Variants in APOC1 observed in about 807,000 individuals in gnomAD.
APOC1 encodes apolipoprotein C1.
APOC1 carries 4 observed loss-of-function variants against 6.7 expected under a neutral mutation model. That is an observed-to-expected ratio of 0.60 (90% confidence interval 0.29 to 1.37). APOC1 has a LOEUF of 1.37. Among genes scored for constraint, APOC1 ranks in the 40% most tolerant of loss-of-function variants. The pLI is 0.09. For missense variants in APOC1, 122 were observed against 99.4 expected, an observed-to-expected ratio of 1.23 and a Z score of -0.97; for synonymous variants, 33 against 40.6, an observed-to-expected ratio of 0.81 and a Z score of 0.72.
rs1488598417 is a variant in APOC1, at chr19:44,914,658, C to T, written c.-96C>T. ...GAGGGAGATCAACATCAACCTGCCC[C>T]GCCCCCTCCCCAGCCTGATAAAGGT... On this transcript the variant is annotated 5_prime_UTR_variant, in exon 1 of 4. Coordinates refer to ENST00000592535, the MANE Select transcript of APOC1 (RefSeq NM_001645.5). 5.4e-6 allele frequency: 3 copies of T among 554,974 alleles called. No individual in the cohort carries two copies. The East Asian group carries it at 9.1e-5, about 17-fold the overall frequency. The allele number at this position is 554,974 out of a possible 1,614,324, so 34.4% of individuals were successfully genotyped here.
chr19:44,919,172 G>A lies in APOC1; in HGVS notation c.195-1G>A. On this transcript the variant is annotated splice_acceptor_variant, in intron 3 of 3. Coordinates refer to ENST00000592535, the MANE Select transcript of APOC1 (RefSeq NM_001645.5). LOFTEE classifies it high-confidence loss of function. ...ACCCCCTTCCTTATTCCTCCCCACAGGGAGTGGTTTTCAGAGACATTTCAG... is the reference window on the plus strand; with the variant it reads ...ACCCCCTTCCTTATTCCTCCCCACAAGGAGTGGTTTTCAGAGACATTTCAG... 3 of 1,613,688 alleles carry A rather than the reference G, an allele frequency of 1.9e-6. No homozygotes were observed. The highest frequency in any genetic ancestry group is 2.5e-6 in the Non-Finnish European group (3 of 1,179,684).
chr19:44,918,727 T>G (rs950396834), intron 3 of APOC1: 1 of 161,600 alleles, frequency 6.2e-6, no homozygotes. Context: ...TGGTGCGATC[T>G]CGGCTTACTG....
chr19:44,919,189 A>T lies in APOC1; in HGVS notation c.211A>T (p.Thr71Ser), dbSNP rs142372275. The T allele has an allele frequency of 4.5e-4, 725 of 1,613,896 alleles. 10 individuals carry two copies. The Admixed American group carries it at 0.01, about 23-fold the overall frequency. ...SAKMREWFSE[T>S]FQKVKEKLKI... is the part of the protein sequence containing the mutation. ...TCCCCACAGGGAGTGGTTTTCAGAG[A>T]CATTTCAGAAAGTGAAGGAGAAACT... Residue 71 changes from threonine (T) to serine (S), a missense_variant, in exon 4 of 4, where the codon ACA becomes TCA. Physicochemically the swap from Thr to Ser is moderately conservative, Grantham distance 58 (BLOSUM62 1). Coordinates refer to ENST00000592535, the MANE Select transcript of APOC1 (RefSeq NM_001645.5).
intron 2 of APOC1, chr19:44,915,199 T>A (rs986845598): frequency 1.8e-6 from 1 of 558,878 alleles, no homozygotes; most frequent in Non-Finnish European, 3.2e-6. Flanking sequence ...CTGTCCTGCT[T>A]CGACAGCCTT....
Position 44,916,279 on chromosome 19 carries a change from G to A in APOC1, c.148G>A (p.Glu50Lys), listed in dbSNP as rs752512437. ...FGNTLEDKAR[E>K]LISRIKQSEL... ...AAACACACTGGAGGACAAGGCTCGG[G>A]AACTCATCAGCCGCATCAAACAGAG... The change falls in exon 3 of 4, where the codon GAA becomes AAA. Residue 50 changes from glutamate (E) to lysine (K), a missense_variant. Transcript: ENST00000592535. 4 of 1,614,034 alleles carry A rather than the reference G, an allele frequency of 2.5e-6. No homozygotes were observed. The highest frequency in any genetic ancestry group is 2.2e-5 in the East Asian group (1 of 44,882).
At chr19:44,915,166 G>C (rs1278753354) in intron 2 of APOC1, 2 of 593,972 alleles carry the variant, frequency 3.4e-6, no homozygotes, top group Non-Finnish European at 6.0e-6. Context: ...ATGACGTATT[G>C]AGGCCCACAC....
In APOC1 at chr19:44,919,274, C is replaced by A. The variant is rs757759532; in HGVS notation, c.*44C>A. On this transcript the variant is annotated 3_prime_UTR_variant, in exon 4 of 4. Coordinates refer to ENST00000592535, the MANE Select transcript of APOC1 (RefSeq NM_001645.5). The stretch of plus-strand genomic sequence containing the variant: ...CCCAGGAGGGGCCTCTGAAATTTCC[C>A]ACACCCCAGCGCCTGTGCTGAGGAC... 27 of 1,567,830 alleles carry A rather than the reference C, an allele frequency of 1.7e-5. No individual in the cohort carries two copies. Among genetic ancestry groups the A allele is most frequent in the South Asian group, 3.3e-5 (3 of 90,164 alleles).
chr19:44,915,486 A>G (rs925404639), intron 2 of APOC1, among the ~76,000 whole-genome samples: 5 of 150,046 alleles, frequency 3.3e-5, no homozygotes, highest in Non-Finnish European at 4.4e-5. Context: ...AATTTTTTGT[A>G]TTTTCAGTAG....
chr19:44,916,177 A>ATCTT lies in APOC1; in HGVS notation c.59-12_59-9dup. The stretch of plus-strand genomic sequence containing the variant: ...AAAAACAAATTTTGAACCCCTGCCC[A>ATCTT]TCTTCCTGGCAGGCCCAGCCCCAGC... On this transcript the variant is annotated splice_polypyrimidine_tract_variant and intron_variant, in intron 2 of 3. Transcript: ENST00000592535. The ATCTT allele has an allele frequency of 7.4e-7, 1 of 1,347,072 alleles. No homozygotes were observed. The highest frequency in any genetic ancestry group is 1.7e-5 in the African/African-American group (1 of 57,860). The allele number at this position is 1,347,072 out of a possible 1,614,324, so 83.4% of individuals were successfully genotyped here.
At chr19:44,918,518 C>T (rs1483233054) in intron 3 of APOC1, among the ~76,000 whole-genome samples, 2 of 150,998 alleles carry the variant, frequency 1.3e-5, no homozygotes, top group East Asian at 2.0e-4. Context: ...CCTGCCACCA[C>T]GCCAGCTAAT....
intron 3 of APOC1, among the ~76,000 whole-genome samples, chr19:44,916,785 G>A (rs1262860486): frequency 6.9e-6 from 1 of 145,962 alleles, no homozygotes; most frequent in East Asian, 2.0e-4. Flanking sequence ...GTGCCAGCCT[G>A]GGTGACAGAA....
intron 3 of APOC1, among the ~76,000 whole-genome samples, chr19:44,916,889 G>A (rs904448633): frequency 6.6e-6 from 1 of 151,098 alleles, no homozygotes; most frequent in Non-Finnish European, 1.5e-5. Context: ...CAGCACTATG[G>A]GAGGCTGAGA....
Position 44,916,348 on chromosome 19 carries a change from G to A in APOC1, c.194+23G>A, listed in dbSNP as rs375519463. 8.9e-5 allele frequency: 144 copies of A among 1,611,810 alleles called. 1 individual carries two copies. Among genetic ancestry groups the A allele is most frequent in the South Asian group, 8.0e-4 (73 of 90,816 alleles). On this transcript the variant is annotated intron_variant, in intron 3 of 3. Transcript: ENST00000592535. ...GCGGTTAGAACCCTTCCCAGGGCAC[G>A]GGAGAGCTGGGGTGTGTTTTTGGGT...
Position 44,914,665 on chromosome 19 carries a change from TC to T in APOC1, c.-85del. On this transcript the variant is annotated 5_prime_UTR_variant, in exon 1 of 4. Transcript: ENST00000592535. The stretch of plus-strand genomic sequence containing the variant: ...ATCAACATCAACCTGCCCCGCCCCC[TC>T]CCCAGCCTGATAAAGGTCCTGCGGG... 1 of 556,766 alleles carries T rather than the reference TC, an allele frequency of 1.8e-6. No homozygotes were observed. The highest frequency in any genetic ancestry group is 3.0e-5 in the East Asian group (1 of 33,164). 34.5% of individuals were successfully genotyped at this position (556,766 alleles called of 1,614,324 possible). A position where few individuals can be genotyped will look rare whatever the true frequency, so the allele number is the denominator to read the frequency against.
Position 44,916,137 on chromosome 19 carries a change from CAAAAAAAAA to C in APOC1, c.59-42_59-34del, listed in dbSNP as rs376127005. 3 of 900,500 alleles carry C rather than the reference CAAAAAAAAA, an allele frequency of 3.3e-6. No homozygotes were observed. In the East Asian group the frequency reaches 1.2e-4, roughly 35 times the overall value. 55.8% of individuals were successfully genotyped at this position (900,500 alleles called of 1,614,324 possible). ...GGGCTACAGAGCAAGACTCCATCTC[CAAAAAAAAA>C]AAAAAAAAAACAAATTTTGAACCCC... On this transcript the variant is annotated intron_variant, in intron 2 of 3. Transcript: ENST00000592535.
At chr19:44,917,618 A>G (rs1460788032) in intron 3 of APOC1, among the ~76,000 whole-genome samples, 1 of 140,840 alleles carries the variant, frequency 7.1e-6, no homozygotes, top group Non-Finnish European at 1.5e-5. Context: ...GAGAAAAGAA[A>G]GACAGGGAGG....
At chr19:44,914,815 G>T in intron 1 of APOC1, 57 bp from the exon 2 acceptor site, 1 of 1,421,856 alleles carries the variant, frequency 7.0e-7, no homozygotes. Context: ...TCGTGGGAGG[G>T]AGGTAGGGAG....
At chr19:44,915,204 A>T in intron 2 of APOC1, 1 of 548,792 alleles carries the variant, frequency 1.8e-6, no homozygotes, top group Non-Finnish European at 3.3e-6. Flanking sequence ...CTGCTTCGAC[A>T]GCCTTGAAAG....
intron 3 of APOC1, chr19:44,916,536 G>A (rs1970012767): frequency 1.5e-6 from 1 of 655,842 alleles, no homozygotes; most frequent in Non-Finnish European, 2.5e-6. Flanking sequence ...GATGGTCTTG[G>A]GCTGGGCACG....
Sources: gnomAD v4.1 joint callset for allele counts (sites outside exome capture counted in the v4.1 genomes callset) on GRCh38, gnomAD v4.1.1 for gene constraint, MANE v1.5 for transcripts, NCBI Gene and HGNC (gene_info 2026-07-23, HGNC 2026-07-21) for gene names.